The following COG6 variants were observed in gnomAD, a reference collection of about 807,000 sequenced individuals.
The protein encoded by COG6 is conserved oligomeric Golgi complex subunit 6.
COG6 carries 74 observed loss-of-function variants against 88.8 expected under a neutral mutation model. That is an observed-to-expected ratio of 0.83 (90% CI 0.69 to 1.01). The LOEUF (loss-of-function observed/expected upper bound fraction) is 1.01, where lower values mean the gene tolerates loss of function less well. Among genes scored for constraint, COG6 ranks in the 50% least tolerant of loss-of-function variants. COG6 has a pLI of 0.00. For missense variants in COG6, 800 were observed against 797.9 expected, an observed-to-expected ratio of 1.00 and a Z score of -0.03; for synonymous variants, 286 against 278.7, an observed-to-expected ratio of 1.03 and a Z score of -0.26.
At chr13:39,768,471 T>A (rs746264989) in intron 18 of COG6, among the ~76,000 whole-genome samples, 99 of 152,354 alleles carry the variant, frequency 6.5e-4, no homozygotes, top group Middle Eastern at 6.8e-3. Flanking sequence ...ACCAGCAGGA[T>A]TGTTTATCCA....
intron 18 of COG6, among the ~76,000 whole-genome samples, chr13:39,783,541 TC>T (rs1163914998): frequency 2.6e-5 from 4 of 152,232 alleles, no homozygotes; most frequent in Admixed American, 6.5e-5. Flanking sequence ...AAGCACTGTA[TC>T]TTTTTTATTT....
At chr13:39,661,029 C>T (rs1268855926) in intron 3 of COG6, 148 bp downstream of exon 3, 7 of 637,148 alleles carry the variant, frequency 1.1e-5, no homozygotes, top group Non-Finnish European at 1.4e-5. Context: ...TTGTAGCTAT[C>T]TTTGTGTTTC....
chr13:39,766,277 TGAAAG>T (rs1256634438), intron 18 of COG6, among the ~76,000 whole-genome samples: 2 of 152,180 alleles, frequency 1.3e-5, no homozygotes, highest in African/African-American at 4.8e-5. Flanking sequence ...CTTGGCAACT[TGAAAG>T]GAAAGGGTTG....
Position 39,740,514 on chromosome 13 carries a change from A to G in COG6, c.1827-10432A>G, listed in dbSNP as rs910469250. Among the ~76,000 whole-genome samples the G allele has an allele frequency of 7.2e-5, 11 of 152,334 alleles. 1 individual carries two copies. The East Asian group carries it at 1.9e-3, about 27-fold the overall frequency. On this transcript the variant is annotated intron_variant, in intron 18 of 18. Coordinates refer to ENST00000455146, the MANE Select transcript of COG6 (RefSeq NM_020751.3). ...CAAAAAATTTGTAAGAAGTAGAGCC[A>G]TGATTTGTATCCAACATTTCTGATT...
At chr13:39,706,933 C>A (rs1877965259) in intron 13 of COG6, among the ~76,000 whole-genome samples, 2 of 152,080 alleles carry the variant, frequency 1.3e-5, no homozygotes, top group South Asian at 4.1e-4. Flanking sequence ...ATCCACCCAC[C>A]TCAGCCTCCC....
At chr13:39,726,123 A>T (rs1879123267) in intron 17 of COG6, among the ~76,000 whole-genome samples, 1 of 151,976 alleles carries the variant, frequency 6.6e-6, no homozygotes, top group Admixed American at 6.6e-5. Context: ...GTGATTATAT[A>T]CAACCATTTG....
chr13:39,754,528 TTAAA>T (rs1593475829), downstream of COG6, among the ~76,000 whole-genome samples: 1 of 152,184 alleles, frequency 6.6e-6, no homozygotes, highest in Non-Finnish European at 1.5e-5. Flanking sequence ...GTTAGTACTC[TTAAA>T]TATTCTTTAA....
At chr13:39,734,128 T>C (rs535422336) in intron 18 of COG6, among the ~76,000 whole-genome samples, 11 of 152,252 alleles carry the variant, frequency 7.2e-5, no homozygotes, top group Non-Finnish European at 1.5e-4. Flanking sequence ...CTGATCTTTA[T>C]TTTCTTCTAC....
chr13:39,669,843 G>A (rs918051454), intron 4 of COG6, among the ~76,000 whole-genome samples: 1 of 152,148 alleles, frequency 6.6e-6, no homozygotes, highest in African/African-American at 2.4e-5. Context: ...TATCCCAAGA[G>A]CTATAGATAT....
chr13:39,720,492 C>T (rs1878794574), intron 15 of COG6, among the ~76,000 whole-genome samples: 1 of 152,034 alleles, frequency 6.6e-6, no homozygotes, highest in Admixed American at 6.5e-5. Context: ...AACAGTTTGA[C>T]AGTGGGTATA....
chr13:39,726,263 A>G (rs2138090233), intron 17 of COG6, among the ~76,000 whole-genome samples: 1 of 152,034 alleles, frequency 6.6e-6, no homozygotes. Context: ...CCTTCTATCC[A>G]TTTATCATTT....
chr13:39,665,386 T>C lies in COG6; in HGVS notation c.428+232T>C, dbSNP rs9603591. The stretch of plus-strand genomic sequence containing the variant: ...TCCTTCTTTGGAAGAGAGGTGATGA[T>C]GTATCGTTATTGTTTGCTGTGGAGT... On this transcript the variant is annotated intron_variant, in intron 4 of 18. Transcript: ENST00000455146. Among the ~76,000 whole-genome samples the C allele has an allele frequency of 0.21, 31,596 of 152,112 alleles. 3,466 individuals are homozygous for C. Among genetic ancestry groups the C allele is most frequent in the East Asian group, 0.28 (1,463 of 5,164 alleles).
chr13:39,667,536 G>C (rs1193327838), intron 4 of COG6, among the ~76,000 whole-genome samples: 1 of 152,138 alleles, frequency 6.6e-6, no homozygotes, highest in Admixed American at 6.5e-5. Context: ...CACATTGGTG[G>C]TTAATTACTT....
intron 18 of COG6, among the ~76,000 whole-genome samples, chr13:39,770,197 C>A (rs376075622): frequency 2.0e-5 from 3 of 152,208 alleles, no homozygotes; most frequent in African/African-American, 7.2e-5. Flanking sequence ...TTGTCTTACA[C>A]ATATTAGTTA....
At chr13:39,706,183 TAC>T (rs1009356736) in intron 13 of COG6, among the ~76,000 whole-genome samples, 3 of 135,884 alleles carry the variant, frequency 2.2e-5, no homozygotes, top group African/African-American at 5.3e-5. Context: ...TATATGTATA[TAC>T]ACACACACTT....
chr13:39,769,007 G>GT (rs1413933403), intron 18 of COG6, among the ~76,000 whole-genome samples: 2 of 152,052 alleles, frequency 1.3e-5, no homozygotes, highest in Non-Finnish European at 2.9e-5. Flanking sequence ...CTTCTGTAAT[G>GT]TTTTTTCCCC....
In COG6 at chr13:39,748,156, A is replaced by G. The variant is rs377760959; in HGVS notation, c.1827-2790A>G. Among the ~76,000 whole-genome samples, 26 of 152,358 alleles carry G rather than the reference A, an allele frequency of 1.7e-4. No individual in the cohort carries two copies. The South Asian group carries it at 5.2e-3, about 30-fold the overall frequency. On this transcript the variant is annotated intron_variant, in intron 18 of 18. Transcript: ENST00000455146. ...AAGAACACTGTTTCTAAAATCCAGTATCTGACTTGTTGCAAAAGTGGATAT... is the reference window on the plus strand; with the variant it reads ...AAGAACACTGTTTCTAAAATCCAGTGTCTGACTTGTTGCAAAAGTGGATAT...
chr13:39,679,901 G>A (rs370784353), intron 6 of COG6, 74 bp from the exon 7 acceptor site: 2 of 811,620 alleles, frequency 2.5e-6, no homozygotes, highest in African/African-American at 1.7e-5. Context: ...TATGTAATAT[G>A]CAAACAAAAT....
chr13:39,723,415 C>G lies in COG6; in HGVS notation c.1667C>G (p.Thr556Ser), dbSNP rs376276014. 1.2e-6 allele frequency: 2 copies of G among 1,604,172 alleles called. No homozygotes were observed. Among genetic ancestry groups the G allele is most frequent in the African/African-American group, 2.7e-5 (2 of 74,650 alleles). Residue 556 changes from threonine to serine, a missense_variant, in exon 16 of 19, where the codon ACT becomes AGT. Physicochemically the swap from Thr to Ser is moderately conservative, Grantham distance 58 (BLOSUM62 1). Coordinates refer to ENST00000455146, the MANE Select transcript of COG6 (RefSeq NM_020751.3). The part of the protein sequence containing the change: ...TRVGLSYIYN[T>S]VQQHKPEQGS... ...GTAGGCTTGAGTTACATCTATAACA[C>G]TGTACAGCAACATAAACCTGAACAG...
Sources: allele counts gnomAD v4.1 joint callset (sites outside exome capture counted in the v4.1 genomes callset), GRCh38; gene constraint gnomAD v4.1.1; transcripts MANE v1.5; gene names NCBI Gene and HGNC (gene_info 2026-07-23, HGNC 2026-07-21).